NMT2: variants seen among roughly 807,000 people sequenced by gnomAD.
NMT2 encodes the protein glycylpeptide N-tetradecanoyltransferase 2.
In NMT2, 35 loss-of-function variants were observed where a neutral mutation model predicts 65.4. The ratio of observed to expected loss-of-function variants is 0.54; its 90% CI spans 0.41 to 0.71. NMT2 has a LOEUF of 0.71. Ranked by LOEUF, NMT2 falls within the 30% of genes least tolerant of loss-of-function variation. The probability of loss-of-function intolerance (pLI) is 0.00; values close to 1 mark genes in which losing one functional copy is unlikely to be tolerated. For synonymous variants in NMT2, 226 were observed against 231.8 expected (o/e 0.98, Z 0.23); for missense variants, 489 against 611.3 (o/e 0.80, Z 2.11).
Position 15,130,189 on chromosome 10 carries a change from A to C in NMT2, c.843T>G (p.Ala281=). The change falls in exon 7 of 12, where the codon GCT becomes GCG. Residue 281 remains alanine (A), a synonymous_variant. Transcript: ENST00000378165. ...RRVNLEGIFQ[A]VYTAGVVLPK... is the part of the protein sequence containing the mutation. ...GAAGAACCACTCCCGCGGTGTACAC[A>C]GCCTGGAAGATCCCTTCCAGGTTCA... 1 of 1,602,622 alleles carries C rather than the reference A, an allele frequency of 6.2e-7. No individual in the cohort carries two copies. Among genetic ancestry groups the C allele is most frequent in the Non-Finnish European group, 8.5e-7 (1 of 1,173,786 alleles).
chr10:15,108,714 G>A lies in NMT2; in HGVS notation c.*481C>T. 2.0e-6 allele frequency: 2 copies of A among 999,476 alleles called. No individual in the cohort carries two copies. The highest frequency in any genetic ancestry group is 1.7e-5 in the African/African-American group (1 of 57,422). The allele number at this position is 999,476 out of a possible 1,614,324, so 61.9% of individuals were successfully genotyped here. A position where few individuals can be genotyped will look rare whatever the true frequency, so the allele number is the denominator to read the frequency against. Reference sequence around the variant, plus strand: ...AGTGTTGATTCCATAAATGTTCCCAGTGATACCATGTAAGGTGATACCAGT... The same window carrying A: ...AGTGTTGATTCCATAAATGTTCCCAATGATACCATGTAAGGTGATACCAGT... On this transcript the variant is annotated 3_prime_UTR_variant, in exon 12 of 12. Transcript: ENST00000378165.
At chr10:15,128,569 C>G (rs1221485951) in intron 7 of NMT2, 111 bp from the exon 8 acceptor site, 2 of 676,834 alleles carry the variant, frequency 3.0e-6, no homozygotes, top group African/African-American at 3.6e-5. Flanking sequence ...TTACGTTGTA[C>G]TAGACAGAGG....
chr10:15,141,657 A>G, intron 1 of NMT2, 100 bp from the exon 2 acceptor site: 1 of 1,394,416 alleles, frequency 7.2e-7, no homozygotes, highest in Non-Finnish European at 9.6e-7. Flanking sequence ...CACAGCTGTT[A>G]CATGCAGTAG....
intron 9 of NMT2, among the ~76,000 whole-genome samples, chr10:15,114,324 G>A (rs544669895): frequency 6.6e-5 from 10 of 152,138 alleles, no homozygotes; most frequent in African/African-American, 2.4e-4. Context: ...TCATATTGCT[G>A]GTAAAATTAC....
intron 1 of NMT2, among the ~76,000 whole-genome samples, chr10:15,162,078 C>T (rs1008804333): frequency 1.3e-5 from 2 of 151,888 alleles, no homozygotes; most frequent in Admixed American, 1.3e-4. Flanking sequence ...CATAGTGAGA[C>T]CCTGTCTCTA....
intron 1 of NMT2, among the ~76,000 whole-genome samples, chr10:15,162,587 A>C (rs1833236514): frequency 6.6e-6 from 1 of 152,056 alleles, no homozygotes; most frequent in East Asian, 1.9e-4. Context: ...AGAGTCAGCG[A>C]AACATACATG....
chr10:15,118,768 T>C (rs1282221145), intron 9 of NMT2, among the ~76,000 whole-genome samples: 1 of 152,202 alleles, frequency 6.6e-6, no homozygotes, highest in Non-Finnish European at 1.5e-5. Flanking sequence ...CCACGTCTTG[T>C]GAGGATGCAA....
At chr10:15,110,295 G>A (rs1564555801) in intron 10 of NMT2, among the ~76,000 whole-genome samples, 1 of 151,458 alleles carries the variant, frequency 6.6e-6, no homozygotes, top group Admixed American at 6.6e-5. Context: ...AAAAGAGGAA[G>A]AATTCAGTTG....
At chr10:15,155,255 G>C in intron 1 of NMT2, 1 of 1,480,656 alleles carries the variant, frequency 6.8e-7, no homozygotes, top group East Asian at 2.3e-5. Flanking sequence ...CAAACAGTTC[G>C]AAGGAGACGT....
intron 9 of NMT2, among the ~76,000 whole-genome samples, chr10:15,117,124 T>C (rs78810206): frequency 0.059 from 9,055 of 152,202 alleles, 887 homozygotes; most frequent in African/African-American, 0.2. Flanking sequence ...CAGAGAGATA[T>C]CTCTCATGAA....
At chr10:15,109,544 C>A (rs1845435936) in intron 11 of NMT2, among the ~76,000 whole-genome samples, 158 bp downstream of exon 11, 1 of 152,030 alleles carries the variant, frequency 6.6e-6, no homozygotes, top group South Asian at 2.1e-4. Context: ...GCACTCCAGC[C>A]TGGGGGACAG....
chr10:15,116,000 C>T (rs1276679933), intron 9 of NMT2, among the ~76,000 whole-genome samples: 2 of 152,168 alleles, frequency 1.3e-5, no homozygotes, highest in South Asian at 4.1e-4. Context: ...GACTTCCATG[C>T]CCCTCTCATC....
intron 1 of NMT2, among the ~76,000 whole-genome samples, chr10:15,164,373 A>G (rs1246945320): frequency 1.3e-5 from 2 of 152,102 alleles, no homozygotes; most frequent in African/African-American, 4.8e-5. Context: ...TATGAGAAAC[A>G]TCTATTTTTC....
intron 10 of NMT2, among the ~76,000 whole-genome samples, chr10:15,112,212 ATATATTTTTTTTTTTTTTTTTTTTTT>A (rs1845576858): frequency 4.0e-4 from 7 of 17,636 alleles, no homozygotes; most frequent in African/African-American, 7.1e-4. Context: ...ATATATATAT[ATATATTTTTTTTTTTTTTTTTTTTTT>A]TTTTTTTTTT....
Position 15,106,621 on chromosome 10 carries a change from G to A in NMT2, c.*2574C>T, listed in dbSNP as rs1012297523. ...TAGTCTCAGGGATGTCACAGCTGTG[G>A]GTTGGTCTTTAGAATCACGGCAACC... is the stretch of plus-strand genomic sequence containing the variant. On this transcript the variant is annotated 3_prime_UTR_variant, in exon 12 of 12. Coordinates refer to ENST00000378165, the MANE Select transcript of NMT2 (RefSeq NM_004808.3). The A allele has an allele frequency of 1.0e-6, 1 of 984,960 alleles. No individual in the cohort carries two copies. Among genetic ancestry groups the A allele is most frequent in the African/African-American group, 1.7e-5 (1 of 57,202 alleles). The allele number at this position is 984,960 out of a possible 1,614,324, so 61.0% of individuals were successfully genotyped here. A position where few individuals can be genotyped will look rare whatever the true frequency, so the allele number is the denominator to read the frequency against.
intron 1 of NMT2, among the ~76,000 whole-genome samples, chr10:15,163,745 G>A (rs1434394707): frequency 2.0e-5 from 3 of 152,204 alleles, no homozygotes; most frequent in Non-Finnish European, 4.4e-5. Flanking sequence ...CAACAACATA[G>A]TGCCCAAAGA....
intron 8 of NMT2, among the ~76,000 whole-genome samples, chr10:15,122,792 A>G (rs1845967534): frequency 6.6e-6 from 1 of 152,220 alleles, no homozygotes; most frequent in African/African-American, 2.4e-5. Context: ...CACTTATCGC[A>G]TTAGAAATCA....
chr10:15,133,714 G>A (rs914958873), intron 3 of NMT2, among the ~76,000 whole-genome samples: 3 of 152,134 alleles, frequency 2.0e-5, no homozygotes, highest in Admixed American at 6.5e-5. Flanking sequence ...AGCCTCCCAG[G>A]TAGCTGGGAC....
Position 15,139,874 on chromosome 10 carries a change from T to C in NMT2, c.246+1548A>G, listed in dbSNP as rs1380230569. The C allele has an allele frequency of 3.6e-3, 213 of 59,948 alleles. 4 individuals are homozygous for C. The highest frequency in any genetic ancestry group is 0.034 in the African/African-American group (206 of 5,976). The allele number at this position is 59,948 out of a possible 1,614,324, so 3.7% of individuals were successfully genotyped here. ...AATGGTAACAACTACTATATATATA[T>C]ATATATATATATATATATATATATA... On this transcript the variant is annotated intron_variant, in intron 2 of 11. Coordinates refer to ENST00000378165, the MANE Select transcript of NMT2 (RefSeq NM_004808.3).
Sources: gnomAD v4.1 joint callset for allele counts (sites outside exome capture counted in the v4.1 genomes callset) on GRCh38, gnomAD v4.1.1 for gene constraint, MANE v1.5 for transcripts, NCBI Gene and HGNC (gene_info 2026-07-23, HGNC 2026-07-21) for gene names.